The following LYZL1 variants were observed in gnomAD, a reference collection of about 807,000 sequenced individuals.
LYZL1 encodes lysozyme like 1, also known as lysozyme-like protein 1.
In LYZL1, 16 loss-of-function variants were observed where a neutral mutation model predicts 17.9. The ratio of observed to expected loss-of-function variants is 0.90; its 90% CI spans 0.61 to 1.36. The LOEUF is 1.36. Ranked by LOEUF, LYZL1 falls within the 40% of genes most tolerant of loss-of-function variation. The probability of loss-of-function intolerance (pLI) is 0.00; values close to 1 mark genes in which losing one functional copy is unlikely to be tolerated. For missense variants in LYZL1, 149 were observed against 188.4 expected (o/e 0.79, Z 1.22); for synonymous variants, 58 against 71.8 (o/e 0.81, Z 0.97).
chr10:29,303,284 G>A (rs1368323448), intron 3 of LYZL1, among the ~76,000 whole-genome samples: 3 of 152,068 alleles, frequency 2.0e-5, no homozygotes, highest in East Asian at 1.9e-4. Context: ...CTCTTAGATG[G>A]CCATCCCCTG....
rs74131330 is a variant in LYZL1 at position 29,297,519 on chromosome 10, A to G, written c.298+4842A>G. ...AGAAATAAACAATTCATAACTTTTA[A>G]ATTGCATGCCATTCTGAGTAGTGTG... On this transcript the variant is annotated intron_variant, in intron 3 of 4. Coordinates refer to ENST00000649382, the MANE Select transcript of LYZL1 (RefSeq NM_032517.6). Among the ~76,000 whole-genome samples, 1,276 of 152,326 alleles carry G rather than the reference A, an allele frequency of 8.4e-3. 17 individuals carry two copies. The highest frequency in any genetic ancestry group is 0.03 in the African/African-American group (1,236 of 41,570).
chr10:29,289,919 G>A (rs1182162406), intron 1 of LYZL1, among the ~76,000 whole-genome samples: 1 of 152,202 alleles, frequency 6.6e-6, no homozygotes, highest in Non-Finnish European at 1.5e-5. Context: ...CCAAATGGGT[G>A]TAGCTATGTT....
intron 3 of LYZL1, among the ~76,000 whole-genome samples, chr10:29,306,787 C>T (rs978441107): frequency 4.9e-5 from 6 of 123,144 alleles, no homozygotes; most frequent in Non-Finnish European, 8.2e-5. Flanking sequence ...ACATAGTTAC[C>T]GCTTATGTAT....
At chr10:29,289,977 C>G (rs1248313816) in intron 1 of LYZL1, among the ~76,000 whole-genome samples, 3 of 152,182 alleles carry the variant, frequency 2.0e-5, no homozygotes, top group Non-Finnish European at 4.4e-5. Context: ...CCCACGCTTG[C>G]TATTCACGTT....
In LYZL1 at chr10:29,292,644, AAGG is replaced by A. The variant is rs1564388942; in HGVS notation, c.268_270del (p.Glu90del). 6.2e-7 allele frequency: 1 copy of A among 1,614,216 alleles called. No homozygotes were observed. The highest frequency in any genetic ancestry group is 2.2e-5 in the East Asian group (1 of 44,890). On this transcript the variant is annotated inframe_deletion, in exon 3 of 5. Coordinates refer to ENST00000649382, the MANE Select transcript of LYZL1 (RefSeq NM_032517.6). ...CGCGTGGTGCAGACGCGGAAAGCTG[AAGG>A]AGAACAACCACTGCCATGTCGCCTG...
intron 1 of LYZL1, among the ~76,000 whole-genome samples, chr10:29,290,782 T>A (rs1381734400): frequency 6.6e-6 from 1 of 151,854 alleles, no homozygotes; most frequent in Non-Finnish European, 1.5e-5. Flanking sequence ...GAGTTTGGAG[T>A]GAGCCCAGAT....
intron 1 of LYZL1, among the ~76,000 whole-genome samples, 181 bp downstream of exon 1, chr10:29,289,411 T>C (rs556032671): frequency 1.1e-4 from 16 of 145,428 alleles, no homozygotes; most frequent in African/African-American, 4.0e-4. Flanking sequence ...TTTTCTTTTT[T>C]CTTTTCTTTT....
intron 3 of LYZL1, among the ~76,000 whole-genome samples, chr10:29,306,549 C>CAAAAAAAAAAAAAAAAAAAA (rs58001118): frequency 2.0e-5 from 1 of 48,806 alleles, no homozygotes; most frequent in East Asian, 4.9e-4. Context: ...GACTCCGTCT[C>CAAAAAAAAAAAAAAAAAAAA]AAAAAAAAAA....
chr10:29,316,326 G>A (rs16930162), intron 3 of LYZL1, among the ~76,000 whole-genome samples: 5,366 of 152,292 alleles, frequency 0.035, 160 homozygotes, highest in South Asian at 0.079. Context: ...AGATTCAGCA[G>A]TCACTTTGGT....
intron 3 of LYZL1, among the ~76,000 whole-genome samples, chr10:29,305,764 T>C (rs1835580500): frequency 6.6e-6 from 1 of 152,216 alleles, no homozygotes; most frequent in African/African-American, 2.4e-5. Context: ...TAATAGAATT[T>C]TGTTTTAAAT....
intron 3 of LYZL1, among the ~76,000 whole-genome samples, chr10:29,296,251 G>A (rs1388798088): frequency 6.6e-6 from 1 of 152,154 alleles, no homozygotes; most frequent in Non-Finnish European, 1.5e-5. Flanking sequence ...ACATTTAGAA[G>A]CTGGAAAGCA....
intron 3 of LYZL1, among the ~76,000 whole-genome samples, chr10:29,294,943 A>G (rs1835428340): frequency 6.6e-6 from 1 of 152,252 alleles, no homozygotes. Flanking sequence ...TAATAAAAAT[A>G]TGTAAGCACC....
intron 3 of LYZL1, among the ~76,000 whole-genome samples, chr10:29,304,391 T>C (rs1459320314): frequency 6.6e-6 from 1 of 152,136 alleles, no homozygotes; most frequent in Non-Finnish European, 1.5e-5. Context: ...GTATCTGAAT[T>C]GGCCTTTGTC....
At chr10:29,307,224 C>T (rs376648552) in intron 3 of LYZL1, among the ~76,000 whole-genome samples, 2 of 152,180 alleles carry the variant, frequency 1.3e-5, no homozygotes, top group Non-Finnish European at 2.9e-5. Flanking sequence ...ATTAGATCCC[C>T]AGTCCTTCCT....
chr10:29,300,039 G>A (rs762415900), intron 3 of LYZL1, among the ~76,000 whole-genome samples: 2 of 152,156 alleles, frequency 1.3e-5, no homozygotes, highest in East Asian at 3.9e-4. Flanking sequence ...GTATGTAAAT[G>A]AATGGGACTG....
chr10:29,292,678 G>T lies in LYZL1; in HGVS notation c.298+1G>T. On this transcript the variant is annotated splice_donor_variant, in intron 3 of 4. Transcript: ENST00000649382. LOFTEE classifies it high-confidence loss of function. ...AACCACTGCCATGTCGCCTGCTCAG[G>T]TGAGGCTCTGACTTTCCAGTGATGC... 1 of 1,611,990 alleles carries T rather than the reference G, an allele frequency of 6.2e-7. No homozygotes were observed. Among genetic ancestry groups the T allele is most frequent in the Middle Eastern group, 1.7e-4 (1 of 6,030 alleles).
intron 3 of LYZL1, among the ~76,000 whole-genome samples, chr10:29,297,160 T>C (rs1835457762): frequency 6.7e-6 from 1 of 149,484 alleles, no homozygotes; most frequent in South Asian, 2.1e-4. Flanking sequence ...AACAATATGA[T>C]ACAGAAATGG....
At position 29,296,555 on chromosome 10, in the gene LYZL1, A is replaced by G. The variant is rs559562391; in HGVS notation, c.298+3878A>G. On this transcript the variant is annotated intron_variant, in intron 3 of 4. Transcript: ENST00000649382. ...CTGGGACTTTTTCCTCTAGACGAGT[A>G]AAGTAGAAAACCTCTCAACTGAGAC... Among the ~76,000 whole-genome samples the G allele has an allele frequency of 3.3e-5, 5 of 152,308 alleles. No homozygotes were observed. In the South Asian group the frequency reaches 8.3e-4, roughly 25 times the overall value.
chr10:29,297,794 C>T lies in LYZL1; in HGVS notation c.298+5117C>T, dbSNP rs544705362. On this transcript the variant is annotated intron_variant, in intron 3 of 4. Coordinates refer to ENST00000649382, the MANE Select transcript of LYZL1 (RefSeq NM_032517.6). ...ACTCACACTCAGGAACATCCTCATA[C>T]AATTTCGGAACATGATAGAAAAACA... 3.3e-5 allele frequency among the ~76,000 whole-genome samples: 5 copies of T among 152,270 alleles called. No individual in the cohort carries two copies. The South Asian group carries it at 1.0e-3, about 32-fold the overall frequency.
Sources: gnomAD v4.1 joint callset for allele counts (sites outside exome capture counted in the v4.1 genomes callset) on GRCh38, gnomAD v4.1.1 for gene constraint, MANE v1.5 for transcripts, NCBI Gene and HGNC (gene_info 2026-07-23, HGNC 2026-07-21) for gene names.